Variants in RSPO1 observed in about 807,000 individuals in gnomAD.
RSPO1 encodes the protein R-spondin-1.
Under a neutral mutation model 26.0 loss-of-function variants are expected in RSPO1, and 18 were observed. The observed-to-expected ratio is 0.69, with a 90% CI of 0.48 to 1.03. The LOEUF (loss-of-function observed/expected upper bound fraction) is 1.03. Among genes scored for constraint, RSPO1 ranks in the 50% least tolerant of loss-of-function variants. The probability of loss-of-function intolerance (pLI) is 0.00; values close to 1 mark genes in which losing one functional copy is unlikely to be tolerated. For missense variants in RSPO1, 309 were observed against 352.3 expected, an observed-to-expected ratio of 0.88 and a Z score of 0.98; for synonymous variants, 133 against 137.4, an observed-to-expected ratio of 0.97 and a Z score of 0.22.
At chr1:37,614,999 G>C (rs1644090057) in intron 4 of RSPO1, among the ~76,000 whole-genome samples, 1 of 152,160 alleles carries the variant, frequency 6.6e-6, no homozygotes, top group Non-Finnish European at 1.5e-5. Context: ...GGGCAGGGTG[G>C]GTCTTCCAGG....
intron 3 of RSPO1, among the ~76,000 whole-genome samples, chr1:37,626,353 G>C (rs1305314167): frequency 6.6e-6 from 1 of 152,078 alleles, no homozygotes; most frequent in African/African-American, 2.4e-5. Context: ...GGAAATCCTA[G>C]GGCTCTCCAG....
At chr1:37,628,961 G>A (rs912753902) in intron 3 of RSPO1, among the ~76,000 whole-genome samples, 8 of 152,206 alleles carry the variant, frequency 5.3e-5, no homozygotes, top group African/African-American at 9.7e-5. Flanking sequence ...GGTTTGAAGC[G>A]TGGTCGGGCC....
rs547602416 is a variant in RSPO1 at position 37,612,566 on chromosome 1, CAT to C, written c.*187_*188del. Reference sequence around the variant, plus strand: ...GTGTCTGCGTGTGTACATGAACACACATGTGCAAGTATGTATGGTTGTATATG... The same window carrying C: ...GTGTCTGCGTGTGTACATGAACACACGTGCAAGTATGTATGGTTGTATATG... On this transcript the variant is annotated 3_prime_UTR_variant, in exon 7 of 7. Transcript: ENST00000356545. 1.8e-4 allele frequency: 122 copies of C among 670,202 alleles called. No homozygotes were observed. The Middle Eastern group carries it at 1.8e-3, about 10-fold the overall frequency. The allele number at this position is 670,202 out of a possible 1,614,324, so 41.5% of individuals were successfully genotyped here. A position where few individuals can be genotyped will look rare whatever the true frequency, so the allele number is the denominator to read the frequency against.
At position 37,614,262 on chromosome 1, in the gene RSPO1, G is replaced by T; in HGVS notation, c.358C>A (p.Leu120Met). Residue 120 changes from leucine to methionine, a missense_variant, in exon 5 of 7, where the codon CTG (leucine) becomes ATG (methionine). Coordinates refer to ENST00000356545, the MANE Select transcript of RSPO1 (RefSeq NM_001242908.2). ...FCTKCKEGLY[L>M]HKGRCYPACP... ...GCTGGATAGCAGCGGCCCTTGTGCAGGTACAAGCCCTCCTTACACTTGGTG... is the reference window on the plus strand; with the variant it reads ...GCTGGATAGCAGCGGCCCTTGTGCATGTACAAGCCCTCCTTACACTTGGTG... 1.9e-6 allele frequency: 3 copies of T among 1,613,876 alleles called. No individual in the cohort carries two copies. Among genetic ancestry groups the T allele is most frequent in the Non-Finnish European group, 2.5e-6 (3 of 1,180,032 alleles).
rs139353088 is a variant in RSPO1, at chr1:37,612,499, G to GGTGTGT, written c.*250_*255dup. On this transcript the variant is annotated 3_prime_UTR_variant, in exon 7 of 7. Coordinates refer to ENST00000356545, the MANE Select transcript of RSPO1 (RefSeq NM_001242908.2). ...ATGGAAGTGTCTTCTGGTGGCCTCA[G>GGTGTGT]GTGTGTGTGTGTGTGTGTGTGTATG... is the stretch of plus-strand genomic sequence containing the variant. 6.3e-3 allele frequency: 3,226 copies of GGTGTGT among 508,630 alleles called. 4 individuals are homozygous for GGTGTGT. The highest frequency in any genetic ancestry group is 8.3e-3 in the Non-Finnish European group (2,343 of 280,772). The allele number at this position is 508,630 out of a possible 1,614,324, so 31.5% of individuals were successfully genotyped here.
intron 3 of RSPO1, among the ~76,000 whole-genome samples, chr1:37,625,761 C>T (rs1644266497): frequency 6.6e-6 from 1 of 151,964 alleles, no homozygotes; most frequent in South Asian, 2.1e-4. Context: ...TCACTGCAAC[C>T]TCCGCCTCCC....
chr1:37,622,204 C>T (rs868742312), intron 3 of RSPO1, among the ~76,000 whole-genome samples: 5 of 152,138 alleles, frequency 3.3e-5, no homozygotes, highest in African/African-American at 7.2e-5. Flanking sequence ...GAGGCATCAA[C>T]ACGACAATTG....
intron 3 of RSPO1, among the ~76,000 whole-genome samples, chr1:37,620,614 C>T (rs999532887): frequency 1.4e-5 from 2 of 146,332 alleles, no homozygotes; most frequent in Non-Finnish European, 3.0e-5. Context: ...AGGTGATGAG[C>T]GAGACTCTGT....
chr1:37,617,055 G>A (rs1465429292), intron 3 of RSPO1, among the ~76,000 whole-genome samples: 3 of 152,178 alleles, frequency 2.0e-5, no homozygotes. Context: ...AAATTTCTGA[G>A]AAAGTTTTAA....
At chr1:37,612,989 G>A (rs1156662311) in intron 6 of RSPO1, 68 bp from the exon 7 acceptor site, 2 of 1,560,088 alleles carry the variant, frequency 1.3e-6, no homozygotes, top group South Asian at 2.2e-5. Context: ...ATGGCCACAG[G>A]CCCTAGGAGG....
Position 37,613,051 on chromosome 1 carries a change from C to A in RSPO1, c.626-130G>T. On this transcript the variant is annotated intron_variant, in intron 6 of 6. Coordinates refer to ENST00000356545, the MANE Select transcript of RSPO1 (RefSeq NM_001242908.2). This position sits in a 1 kb window ranked among gnomAD's most constrained non-coding sequence, Gnocchi z 4.5. ...GCAGGGAGGAGGCTGGAGATGCTGC[C>A]TCTAGGTAGTTGGGTCATCGTGACC... 3 of 1,010,820 alleles carry A rather than the reference C, an allele frequency of 3.0e-6. No homozygotes were observed. The East Asian group carries it at 7.6e-5, about 26-fold the overall frequency. The allele number at this position is 1,010,820 out of a possible 1,614,324, so 62.6% of individuals were successfully genotyped here.
chr1:37,622,331 A>C (rs1644214800), intron 3 of RSPO1, among the ~76,000 whole-genome samples: 2 of 152,084 alleles, frequency 1.3e-5, no homozygotes, highest in South Asian at 4.2e-4. Flanking sequence ...GAAGGTCAGG[A>C]AGTAGAGAGA....
At chr1:37,618,069 T>C (rs1331155225) in intron 3 of RSPO1, among the ~76,000 whole-genome samples, 1 of 152,186 alleles carries the variant, frequency 6.6e-6, no homozygotes, top group Non-Finnish European at 1.5e-5. Context: ...AAAGGCAGAA[T>C]TGCAGATAAC....
chr1:37,613,049 G>T lies in RSPO1; in HGVS notation c.626-128C>A. On this transcript the variant is annotated intron_variant, in intron 6 of 6. Coordinates refer to ENST00000356545, the MANE Select transcript of RSPO1 (RefSeq NM_001242908.2). This position sits in a 1 kb window ranked among gnomAD's most constrained non-coding sequence, Gnocchi z 4.5. ...AGGCAGGGAGGAGGCTGGAGATGCT[G>T]CCTCTAGGTAGTTGGGTCATCGTGA... is the stretch of plus-strand genomic sequence containing the variant. 2.0e-6 allele frequency: 2 copies of T among 1,019,358 alleles called. No individual in the cohort carries two copies. The highest frequency in any genetic ancestry group is 3.0e-6 in the Non-Finnish European group (2 of 670,480). 63.1% of individuals were successfully genotyped at this position (1,019,358 alleles called of 1,614,324 possible).
rs1464966120 is a variant in RSPO1, at chr1:37,612,375, G to A, written c.*380C>T. ...CCGATCCCAGCAGCTTCTCCAGAAG[G>A]CTCCCCTCTGCAGTTTGGTCTCAGA... On this transcript the variant is annotated 3_prime_UTR_variant, in exon 7 of 7. Coordinates refer to ENST00000356545, the MANE Select transcript of RSPO1 (RefSeq NM_001242908.2). The A allele has an allele frequency of 3.8e-6, 1 of 264,908 alleles. No homozygotes were observed. The highest frequency in any genetic ancestry group is 4.8e-5 in the Admixed American group (1 of 20,984). The allele number at this position is 264,908 out of a possible 1,614,324, so 16.4% of individuals were successfully genotyped here.
intron 3 of RSPO1, among the ~76,000 whole-genome samples, chr1:37,626,514 T>C (rs181939364): frequency 1.3e-5 from 2 of 152,310 alleles, no homozygotes; most frequent in Admixed American, 1.3e-4. Flanking sequence ...ACATTTTGTC[T>C]TCCCCCACTC....
Position 37,612,759 on chromosome 1 carries a change from G to T in RSPO1, c.788C>A (p.Ala263Asp). Reference protein sequence around the residue: ...TVGPLTSAGPA With the variant: ...TVGPLTSAGPD Reference sequence around the variant, plus strand: ...CCTGGAGGCTGGACAGTGTCCCTAGGCAGGCCCTGCAGATGTGAGTGGCCC... The same window carrying T: ...CCTGGAGGCTGGACAGTGTCCCTAGTCAGGCCCTGCAGATGTGAGTGGCCC... The change falls in exon 7 of 7, where the codon GCC becomes GAC. Residue 263 changes from alanine to aspartate, a missense_variant. Ala to Asp is a moderately radical substitution (Grantham distance 126). Coordinates refer to ENST00000356545, the MANE Select transcript of RSPO1 (RefSeq NM_001242908.2). The T allele has an allele frequency of 6.2e-7, 1 of 1,610,320 alleles. No individual in the cohort carries two copies.
intron 3 of RSPO1, 106 bp from the exon 4 acceptor site, chr1:37,616,781 AG>A: frequency 3.7e-6 from 4 of 1,092,606 alleles, no homozygotes; most frequent in Non-Finnish European, 5.6e-6. Context: ...CTTCCACAGA[AG>A]GAATATGCTT....
At chr1:37,632,814 G>A (rs1644379101) in intron 1 of RSPO1, among the ~76,000 whole-genome samples, 1 of 152,210 alleles carries the variant, frequency 6.6e-6, no homozygotes, top group African/African-American at 2.4e-5. Flanking sequence ...ATGCACTCTT[G>A]CAGACATGGA....
Sources: gnomAD v4.1 joint callset for allele counts (sites outside exome capture counted in the v4.1 genomes callset) on GRCh38, gnomAD v4.1.1 for gene constraint, Gnocchi (gnomAD v3.1) non-coding constraint, MANE v1.5 for transcripts, NCBI Gene and HGNC (gene_info 2026-07-23, HGNC 2026-07-21) for gene names.